The following ESR2 variants were observed in gnomAD, a reference collection of about 807,000 sequenced individuals.
ESR2 encodes estrogen receptor beta.
Under a neutral mutation model 49.6 loss-of-function variants are expected in ESR2, and 36 were observed. The observed-to-expected ratio is 0.73, with a 90% confidence interval of 0.56 to 0.96. ESR2 has a LOEUF of 0.96. Ranked by LOEUF, ESR2 falls within the 40% of genes least tolerant of loss-of-function variation. The pLI, the probability that ESR2 is intolerant of heterozygous loss-of-function variation, is 0.00. For synonymous variants in ESR2, 320 were observed against 266.1 expected (o/e 1.20, Z -1.97); for missense variants, 714 against 693.0 (o/e 1.03, Z -0.34).
intron 3 of ESR2, among the ~76,000 whole-genome samples, chr14:64,273,190 C>G (rs2076484313): frequency 6.6e-6 from 1 of 151,996 alleles, no homozygotes; most frequent in African/African-American, 2.4e-5. Context: ...TGCAACTTTA[C>G]TGAATTTATT....
At chr14:64,271,519 T>A (rs566031276) in intron 3 of ESR2, among the ~76,000 whole-genome samples, 37 of 152,216 alleles carry the variant, frequency 2.4e-4, no homozygotes, top group Non-Finnish European at 4.9e-4. Flanking sequence ...AGAGACAGGG[T>A]TTCACCGTGT....
intron 7 of ESR2, among the ~76,000 whole-genome samples, chr14:64,240,898 A>C (rs534609797): frequency 6.6e-6 from 1 of 152,080 alleles, no homozygotes; most frequent in African/African-American, 2.4e-5. Context: ...TAATCCCAGC[A>C]CTTTGGGAGG....
chr14:64,303,934 C>T (rs576901802), intron 1 of ESR2, among the ~76,000 whole-genome samples: 1 of 152,266 alleles, frequency 6.6e-6, no homozygotes, highest in East Asian at 1.9e-4. Context: ...AATATACTAT[C>T]ATTTGTTTAT....
intron 4 of ESR2, among the ~76,000 whole-genome samples, chr14:64,261,232 C>CTTTTTTTTTTTTTTTTTTTTTT (rs374264697): frequency 4.5e-5 from 4 of 88,680 alleles, no homozygotes; most frequent in East Asian, 4.8e-4. Context: ...TTTTATTTTT[C>CTTTTTTTTTTTTTTTTTTTTTT]TTTTTTCTTT....
intron 6 of ESR2, among the ~76,000 whole-genome samples, chr14:64,256,510 C>T (rs2076098804): frequency 6.6e-6 from 1 of 152,132 alleles, no homozygotes; most frequent in South Asian, 2.1e-4. Flanking sequence ...GGGCAGATCG[C>T]CTGAGGTCAG....
intron 5 of ESR2, among the ~76,000 whole-genome samples, chr14:64,258,561 T>C (rs968801049): frequency 3.3e-5 from 5 of 152,220 alleles, no homozygotes; most frequent in Non-Finnish European, 7.3e-5. Flanking sequence ...GAATGTCTTA[T>C]AGGCAGGATC....
intron 6 of ESR2, among the ~76,000 whole-genome samples, chr14:64,249,990 C>T (rs531418712): frequency 2.0e-5 from 3 of 152,314 alleles, no homozygotes; most frequent in African/African-American, 7.2e-5. Flanking sequence ...TTTCTTACAG[C>T]AATACCACTC....
At chr14:64,288,141 T>G (rs556683314) in intron 1 of ESR2, among the ~76,000 whole-genome samples, 2 of 152,314 alleles carry the variant, frequency 1.3e-5, no homozygotes, top group East Asian at 3.9e-4. Flanking sequence ...TATTTGGCCC[T>G]CTCAGGTCAC....
At chr14:64,316,682 A>ATT (rs2077259980) in intron 1 of ESR2, among the ~76,000 whole-genome samples, 1 of 151,734 alleles carries the variant, frequency 6.6e-6, no homozygotes, top group Non-Finnish European at 1.5e-5. Flanking sequence ...GGTGGCACGC[A>ATT]CCTGTGGTAC....
intron 1 of ESR2, chr14:64,336,553 C>T (rs1159365165): frequency 6.6e-6 from 1 of 152,202 alleles, no homozygotes; most frequent in African/African-American, 2.4e-5. Flanking sequence ...TCATAACACA[C>T]TGGACTCTTC....
intron 7 of ESR2, among the ~76,000 whole-genome samples, chr14:64,245,201 A>C (rs1239353678): frequency 6.6e-6 from 1 of 152,184 alleles, no homozygotes; most frequent in Non-Finnish European, 1.5e-5. Flanking sequence ...TTATTTTGAC[A>C]ATTGTTATGA....
intron 6 of ESR2, among the ~76,000 whole-genome samples, chr14:64,254,626 C>T (rs940670094): frequency 6.6e-6 from 1 of 151,264 alleles, no homozygotes; most frequent in Non-Finnish European, 1.5e-5. Flanking sequence ...GCCGTAGTGG[C>T]ACATGCCTGT....
intron 1 of ESR2, among the ~76,000 whole-genome samples, chr14:64,315,649 T>C (rs1291366179): frequency 1.3e-5 from 2 of 148,942 alleles, no homozygotes; most frequent in African/African-American, 5.0e-5. Context: ...TAATTTTTTG[T>C]ATTTTTTGTA....
intron 1 of ESR2, among the ~76,000 whole-genome samples, chr14:64,325,814 T>C (rs2077383070): frequency 6.6e-6 from 1 of 152,194 alleles, no homozygotes; most frequent in African/African-American, 2.4e-5. Flanking sequence ...TTTATGATTT[T>C]CTTAATAACA....
At chr14:64,319,613 A>G (rs924020015) in intron 1 of ESR2, among the ~76,000 whole-genome samples, 1 of 152,244 alleles carries the variant, frequency 6.6e-6, no homozygotes, top group Non-Finnish European at 1.5e-5. Context: ...AAAAATGGCA[A>G]AAGTTCTGAA....
chr14:64,308,146 C>G (rs1034229722), intron 1 of ESR2, among the ~76,000 whole-genome samples: 2 of 152,064 alleles, frequency 1.3e-5, no homozygotes, highest in East Asian at 3.9e-4. Flanking sequence ...TCCTGAGGAG[C>G]GGAGACCACA....
intron 7 of ESR2, among the ~76,000 whole-genome samples, chr14:64,239,493 G>T (rs1401796075): frequency 6.6e-6 from 1 of 152,064 alleles, no homozygotes; most frequent in African/African-American, 2.4e-5. Context: ...AAATAGACTT[G>T]TTTCTAATTT....
intron 1 of ESR2, among the ~76,000 whole-genome samples, chr14:64,324,041 A>G (rs767845975): frequency 2.6e-5 from 4 of 152,220 alleles, no homozygotes; most frequent in African/African-American, 4.8e-5. Flanking sequence ...TATTGAATAA[A>G]TGAATGAATA....
At chr14:64,310,080 C>T (rs145887079) in intron 1 of ESR2, among the ~76,000 whole-genome samples, 268 of 149,482 alleles carry the variant, frequency 1.8e-3, no homozygotes, top group Non-Finnish European at 2.6e-3. Flanking sequence ...AGCGAGACTC[C>T]GTCTTAAAAA....
Sources: gnomAD v4.1 joint callset for allele counts (sites outside exome capture counted in the v4.1 genomes callset) on GRCh38, gnomAD v4.1.1 for gene constraint, MANE v1.5 for transcripts, NCBI Gene and HGNC (gene_info 2026-07-23, HGNC 2026-07-21) for gene names.